STXBP5L: variants seen among roughly 807,000 people sequenced by gnomAD.
The protein encoded by STXBP5L is syntaxin binding protein 5L, also known as syntaxin-binding protein 5-like.
In STXBP5L, 65 loss-of-function variants were observed where a neutral mutation model predicts 144.5. The ratio of observed to expected loss-of-function variants is 0.45; its 90% confidence interval spans 0.37 to 0.55. The LOEUF (loss-of-function observed/expected upper bound fraction) is 0.55. Ranked by LOEUF, STXBP5L falls within the 20% of genes least tolerant of loss-of-function variation. STXBP5L has a pLI of 0.00. For synonymous variants in STXBP5L, 505 were observed against 469.6 expected (o/e 1.08, Z -0.97); for missense variants, 1,298 against 1,405.5 (o/e 0.92, Z 1.22).
rs1051341736 is a variant in STXBP5L, at chr3:121,024,042, G to A, written c.288-17658G>A. Among the ~76,000 whole-genome samples, 6 of 152,242 alleles carry A rather than the reference G, an allele frequency of 3.9e-5. No individual in the cohort carries two copies. The South Asian group carries it at 8.3e-4, about 21-fold the overall frequency. On this transcript the variant is annotated intron_variant, in intron 3 of 26. Transcript: ENST00000471454. ...CAAAGTGCTGGGATTACAGGCATGA[G>A]CCACCGTGCCTGGCCTAAAAATGTA... is the stretch of plus-strand genomic sequence containing the variant.
intron 3 of STXBP5L, among the ~76,000 whole-genome samples, chr3:120,991,927 G>A (rs920588200): frequency 7.2e-4 from 109 of 152,024 alleles, no homozygotes; most frequent in African/African-American, 2.3e-3. Flanking sequence ...TAACATGCAC[G>A]TTGTGCAGAT....
intron 9 of STXBP5L, among the ~76,000 whole-genome samples, chr3:121,166,390 T>G (rs776414721): frequency 6.6e-6 from 1 of 152,200 alleles, no homozygotes; most frequent in Non-Finnish European, 1.5e-5. Context: ...TATAACTTCT[T>G]TCACTAATTT....
chr3:121,348,594 T>C (rs1396939350), intron 20 of STXBP5L, among the ~76,000 whole-genome samples: 1 of 152,076 alleles, frequency 6.6e-6, no homozygotes, highest in African/African-American at 2.4e-5. Context: ...TCCTAGACTT[T>C]TTTTGGTTGG....
At chr3:121,199,196 C>T (rs1310576248) in intron 9 of STXBP5L, among the ~76,000 whole-genome samples, 4 of 152,098 alleles carry the variant, frequency 2.6e-5, no homozygotes, top group Non-Finnish European at 4.4e-5. Context: ...AGGTCCTTTA[C>T]GTCCCTTGTA....
At chr3:121,005,044 A>T (rs971475248) in intron 3 of STXBP5L, among the ~76,000 whole-genome samples, 1 of 152,164 alleles carries the variant, frequency 6.6e-6, no homozygotes, top group African/African-American at 2.4e-5. Flanking sequence ...AGGCTTTGGT[A>T]TCAGGATAAT....
At chr3:120,978,707 G>T (rs950897785) in intron 3 of STXBP5L, among the ~76,000 whole-genome samples, 13 of 152,208 alleles carry the variant, frequency 8.5e-5, no homozygotes, top group Non-Finnish European at 1.3e-4. Flanking sequence ...TGATGGTGAT[G>T]TACAGATGGG....
At chr3:121,112,129 C>T (rs1241145038) in intron 5 of STXBP5L, among the ~76,000 whole-genome samples, 1 of 151,926 alleles carries the variant, frequency 6.6e-6, no homozygotes, top group Non-Finnish European at 1.5e-5. Flanking sequence ...GCTGCCACCC[C>T]TCCCCCCAGG....
rs771355987 is a variant in STXBP5L at position 121,318,534 on chromosome 3, A to G, written c.2170A>G (p.Thr724Ala). The change falls in exon 20 of 27, where the codon ACC becomes GCC. Residue 724 changes from threonine to alanine, a missense_variant. Physicochemically the swap from Thr to Ala is moderately conservative, Grantham distance 58. Coordinates refer to ENST00000471454, the MANE Select transcript of STXBP5L (RefSeq NM_001308330.2). ...AGAACTTGAGCGCTGCAAGTCTCCT[A>G]CCTCAGGTAAACATGAGTGGTATTT... Reference protein sequence around the residue: ...PLELERCKSPTSDHVNGHCTS... With the variant: ...PLELERCKSPASDHVNGHCTS... 3.2e-6 allele frequency: 5 copies of G among 1,553,714 alleles called. No individual in the cohort carries two copies. Among genetic ancestry groups the G allele is most frequent in the Non-Finnish European group, 4.4e-6 (5 of 1,149,120 alleles).
At chr3:121,317,617 A>G (rs1310679669) in intron 19 of STXBP5L, among the ~76,000 whole-genome samples, 1 of 152,222 alleles carries the variant, frequency 6.6e-6, no homozygotes, top group East Asian at 1.9e-4. Context: ...TATTTATTTC[A>G]CAAAAGAAAG....
chr3:120,992,914 C>T lies in STXBP5L; in HGVS notation c.287+37877C>T, dbSNP rs181362271. On this transcript the variant is annotated intron_variant, in intron 3 of 26. Transcript: ENST00000471454. ...TAATGCCTATACTAATTTACACTGC[C>T]GCCACCCGTGTATAAGAGTTCCTTT... Among the ~76,000 whole-genome samples, 11 of 152,108 alleles carry T rather than the reference C, an allele frequency of 7.2e-5. No homozygotes were observed. In the East Asian group the frequency reaches 1.7e-3, roughly 24 times the overall value.
At chr3:121,356,800 CTGTT>C (rs1377954045) in intron 20 of STXBP5L, among the ~76,000 whole-genome samples, 9 of 152,182 alleles carry the variant, frequency 5.9e-5, no homozygotes, top group African/African-American at 1.2e-4. Context: ...CAGACCAGAG[CTGTT>C]CCTATTTGGC....
At chr3:121,016,712 A>G (rs1945172409) in intron 3 of STXBP5L, among the ~76,000 whole-genome samples, 1 of 152,222 alleles carries the variant, frequency 6.6e-6, no homozygotes, top group Non-Finnish European at 1.5e-5. Flanking sequence ...TCTTTGAAAG[A>G]CATAATGTAG....
intron 20 of STXBP5L, among the ~76,000 whole-genome samples, chr3:121,348,393 A>G (rs2045102961): frequency 6.6e-6 from 1 of 152,146 alleles, no homozygotes; most frequent in Admixed American, 6.5e-5. Context: ...GTCGATGTTC[A>G]TCAGGGATAT....
chr3:121,317,053 A>G (rs1019770472), intron 19 of STXBP5L, among the ~76,000 whole-genome samples: 1 of 152,200 alleles, frequency 6.6e-6, no homozygotes, highest in African/African-American at 2.4e-5. Flanking sequence ...TAATTTGTAT[A>G]TCTAGGGTTA....
At position 121,239,185 on chromosome 3, in the gene STXBP5L, C is replaced by T. The variant is rs577026535; in HGVS notation, c.1332+67C>T. ...CACATGATCATACTTTTTTCCATTA[C>T]TTTATTTTCTTACATTCCATATAGG... On this transcript the variant is annotated intron_variant, in intron 13 of 26. Transcript: ENST00000471454. 199 of 933,986 alleles carry T rather than the reference C, an allele frequency of 2.1e-4. 3 individuals are homozygous for T. The South Asian group carries it at 4.4e-3, about 21-fold the overall frequency. The allele number at this position is 933,986 out of a possible 1,614,324, so 57.9% of individuals were successfully genotyped here.
intron 5 of STXBP5L, among the ~76,000 whole-genome samples, chr3:121,109,676 G>T (rs1332463474): frequency 6.6e-6 from 1 of 152,152 alleles, no homozygotes; most frequent in Non-Finnish European, 1.5e-5. Flanking sequence ...ATGTGGTGCT[G>T]AAAATAATGT....
chr3:121,136,320 C>T (rs2045255705), intron 7 of STXBP5L, among the ~76,000 whole-genome samples: 1 of 152,186 alleles, frequency 6.6e-6, no homozygotes, highest in South Asian at 2.1e-4. Context: ...CACCACAGCT[C>T]CTGACTCTAG....
intron 5 of STXBP5L, among the ~76,000 whole-genome samples, chr3:121,105,688 A>G (rs1285620771): frequency 6.6e-6 from 1 of 152,106 alleles, no homozygotes; most frequent in East Asian, 1.9e-4. Context: ...AGCTGTTAGA[A>G]TAGATAAATA....
At chr3:121,368,311 G>A (rs117795190) in intron 20 of STXBP5L, among the ~76,000 whole-genome samples, 2 of 152,110 alleles carry the variant, frequency 1.3e-5, no homozygotes, top group East Asian at 1.9e-4. Context: ...AAGCTCCAGA[G>A]TTTCTTTCTG....
Sources: gnomAD v4.1 joint callset for allele counts (sites outside exome capture counted in the v4.1 genomes callset) on GRCh38, gnomAD v4.1.1 for gene constraint, MANE v1.5 for transcripts, NCBI Gene and HGNC (gene_info 2026-07-23, HGNC 2026-07-21) for gene names.